KCNMA1: variants seen among roughly 807,000 people sequenced by gnomAD.
KCNMA1 encodes Calcium-activated potassium channel subunit alpha-1.
KCNMA1 carries 29 observed loss-of-function variants against 140.0 expected under a neutral mutation model. That is an observed-to-expected ratio of 0.21 (90% CI 0.15 to 0.28). The LOEUF (loss-of-function observed/expected upper bound fraction) is 0.28, where lower values mean the gene tolerates loss of function less well. Among genes scored for constraint, KCNMA1 ranks in the 10% least tolerant of loss-of-function variants. KCNMA1 has a pLI of 1.00. For missense variants in KCNMA1, 880 were observed against 1,602.2 expected, an observed-to-expected ratio of 0.55 and a Z score of 7.70; for synonymous variants, 612 against 611.9, an observed-to-expected ratio of 1.00 and a Z score of 0.00.
intron 2 of KCNMA1, among the ~76,000 whole-genome samples, chr10:77,336,408 T>C (rs2088996891): frequency 6.9e-6 from 1 of 145,808 alleles, no homozygotes; most frequent in Non-Finnish European, 1.5e-5. Flanking sequence ...AATTTCCAAG[T>C]AGTGAAAAAT....
chr10:77,122,622 A>T (rs2097639473), intron 5 of KCNMA1, among the ~76,000 whole-genome samples: 1 of 152,208 alleles, frequency 6.6e-6, no homozygotes, highest in East Asian at 1.9e-4. Context: ...CAACCCATGG[A>T]TAAAATGTGT....
intron 1 of KCNMA1, among the ~76,000 whole-genome samples, chr10:77,572,338 G>A (rs186310009): frequency 1.9e-3 from 283 of 151,324 alleles, no homozygotes; most frequent in African/African-American, 5.9e-3. Context: ...CACTCAGTTC[G>A]TCCTCACAAA....
At chr10:77,307,837 C>G (rs2078209198) in intron 2 of KCNMA1, among the ~76,000 whole-genome samples, 1 of 152,242 alleles carries the variant, frequency 6.6e-6, no homozygotes, top group Non-Finnish European at 1.5e-5. Context: ...GCATGAGCCA[C>G]TGCACCCGGC....
At chr10:77,187,161 G>C (rs2098873201) in intron 3 of KCNMA1, among the ~76,000 whole-genome samples, 1 of 152,136 alleles carries the variant, frequency 6.6e-6, no homozygotes, top group Admixed American at 6.6e-5. Context: ...CAGCTAATTG[G>C]AAAAGTATTT....
chr10:77,023,503 T>C (rs2093089229), intron 16 of KCNMA1, among the ~76,000 whole-genome samples: 1 of 152,230 alleles, frequency 6.6e-6, no homozygotes, highest in Non-Finnish European at 1.5e-5. Flanking sequence ...TGGGACTTCA[T>C]TAACTAAAGC....
intron 21 of KCNMA1, chr10:76,951,916 G>C (rs2066408714): frequency 3.2e-6 from 3 of 949,066 alleles, no homozygotes; most frequent in Admixed American, 2.1e-5. Context: ...AGCTCTGTGA[G>C]AGCAGTCGTT....
intron 1 of KCNMA1, among the ~76,000 whole-genome samples, chr10:77,600,028 G>A (rs2082135488): frequency 6.6e-6 from 1 of 152,208 alleles, no homozygotes; most frequent in Admixed American, 6.5e-5. Context: ...CATGTCACAA[G>A]AAGTCACCCT....
At position 77,419,168 on chromosome 10, in the gene KCNMA1, G is replaced by A. The variant is rs115778521; in HGVS notation, c.379-15145C>T. Among the ~76,000 whole-genome samples, 316 of 152,258 alleles carry A rather than the reference G, an allele frequency of 2.1e-3. 2 individuals are homozygous for A. The highest frequency in any genetic ancestry group is 7.3e-3 in the African/African-American group (302 of 41,556). ...TGGCACCAGGGGGACTGGCATGAAG[G>A]TCACATGAGGGGAGAGTTCCTTTTA... On this transcript the variant is annotated intron_variant, in intron 1 of 27. Coordinates refer to ENST00000286628, the MANE Select transcript of KCNMA1 (RefSeq NM_001161352.2).
intron 5 of KCNMA1, among the ~76,000 whole-genome samples, chr10:77,163,494 C>T (rs1475122392): frequency 1.3e-5 from 2 of 152,210 alleles, no homozygotes; most frequent in Non-Finnish European, 2.9e-5. Flanking sequence ...ATTGTTCACT[C>T]AGTGGCTATT....
At chr10:77,576,757 C>A (rs1222970937) in intron 1 of KCNMA1, among the ~76,000 whole-genome samples, 2 of 152,206 alleles carry the variant, frequency 1.3e-5, no homozygotes, top group Non-Finnish European at 2.9e-5. Context: ...GGACTGCTAG[C>A]CTTCTGCCCT....
At chr10:77,012,386 C>A (rs1343704632) in intron 17 of KCNMA1, 1 of 1,529,720 alleles carries the variant, frequency 6.5e-7, no homozygotes, top group East Asian at 2.4e-5. Context: ...GGGCAATGAG[C>A]CCTGGGCCCT....
rs1034656039 is a variant in KCNMA1 at position 77,187,134 on chromosome 10, GTGGTAAC to G, written c.603-2225_603-2219del. Among the ~76,000 whole-genome samples the G allele has an allele frequency of 4.5e-4, 69 of 152,264 alleles. 1 individual carries two copies. Among genetic ancestry groups the G allele is most frequent in the African/African-American group, 1.6e-3 (65 of 41,576 alleles). On this transcript the variant is annotated intron_variant, in intron 3 of 27. Transcript: ENST00000286628. Reference sequence around the variant, plus strand: ...TCCCGTGGCCTCTGTGGTTAATTTGGTGGTAACCTAGAAATACAGCTAATTGGAAAAG... The same window carrying G: ...TCCCGTGGCCTCTGTGGTTAATTTGGCTAGAAATACAGCTAATTGGAAAAG...
chr10:77,519,938 G>A (rs1211608647), intron 1 of KCNMA1, among the ~76,000 whole-genome samples: 12 of 151,640 alleles, frequency 7.9e-5, no homozygotes, highest in East Asian at 1.9e-4. Flanking sequence ...AGTATGCAGC[G>A]TGAGGGTATG....
At chr10:77,147,608 A>T (rs1564819257) in intron 5 of KCNMA1, 2 of 152,200 alleles carry the variant, frequency 1.3e-5, no homozygotes. Context: ...GACATTGGAG[A>T]CAAGTGAATC....
At chr10:76,916,407 G>A (rs796999348) in intron 23 of KCNMA1, among the ~76,000 whole-genome samples, 82 of 152,176 alleles carry the variant, frequency 5.4e-4, no homozygotes, top group African/African-American at 1.8e-3. Context: ...TGTCTGCCTC[G>A]TTAAGGTTTT....
intron 2 of KCNMA1, among the ~76,000 whole-genome samples, chr10:77,298,235 C>T (rs1277561017): frequency 6.6e-6 from 1 of 151,812 alleles, no homozygotes; most frequent in Non-Finnish European, 1.5e-5. Flanking sequence ...ACCTGGGGAG[C>T]TTATTTTATT....
At position 76,951,922 on chromosome 10, in the gene KCNMA1, T is replaced by A. The variant is rs1262682725; in HGVS notation, c.2484+1879A>T. ...TAGAACACAAGCTCTGTGAGAGCAGTCGTTGTCAGGGATTGCATCTCCAGT... is the reference window on the plus strand; with the variant it reads ...TAGAACACAAGCTCTGTGAGAGCAGACGTTGTCAGGGATTGCATCTCCAGT... On this transcript the variant is annotated intron_variant, in intron 21 of 27. Coordinates refer to ENST00000286628, the MANE Select transcript of KCNMA1 (RefSeq NM_001161352.2). 4 of 1,002,842 alleles carry A rather than the reference T, an allele frequency of 4.0e-6. No individual in the cohort carries two copies. The East Asian group carries it at 1.1e-4, about 27-fold the overall frequency. 62.1% of individuals were successfully genotyped at this position (1,002,842 alleles called of 1,614,324 possible). A position where few individuals can be genotyped will look rare whatever the true frequency, so the allele number is the denominator to read the frequency against.
At chr10:77,207,980 G>A (rs892334456) in intron 3 of KCNMA1, among the ~76,000 whole-genome samples, 9 of 152,186 alleles carry the variant, frequency 5.9e-5, no homozygotes, top group Admixed American at 4.6e-4. Flanking sequence ...CAGCAAGTTC[G>A]CTTGCTTTGT....
intron 1 of KCNMA1, among the ~76,000 whole-genome samples, chr10:77,598,866 C>G (rs1011426085): frequency 1.1e-4 from 16 of 152,226 alleles, no homozygotes; most frequent in African/African-American, 3.1e-4. Context: ...ACTCTCCCTC[C>G]CACCCAGCTC....
Sources: allele counts gnomAD v4.1 joint callset (sites outside exome capture counted in the v4.1 genomes callset), GRCh38; gene constraint gnomAD v4.1.1; transcripts MANE v1.5; gene names NCBI Gene and HGNC (gene_info 2026-07-23, HGNC 2026-07-21).